The following STARD13 variants were observed in gnomAD, a reference collection of about 807,000 sequenced individuals.
The protein encoded by STARD13 is StAR related lipid transfer domain containing 13, also known as stAR-related lipid transfer protein 13.
In STARD13, 62 loss-of-function variants were observed where a neutral mutation model predicts 106.4. The ratio of observed to expected loss-of-function variants is 0.58; its 90% CI spans 0.48 to 0.72. STARD13 has a LOEUF of 0.72. Among genes scored for constraint, STARD13 ranks in the 30% least tolerant of loss-of-function variants. The pLI, the probability that STARD13 is intolerant of heterozygous loss-of-function variation, is 0.00. For missense variants in STARD13, 1,387 were observed against 1,424.0 expected, an observed-to-expected ratio of 0.97 and a Z score of 0.42; for synonymous variants, 565 against 553.0, an observed-to-expected ratio of 1.02 and a Z score of -0.31.
the STARD13 span, among the ~76,000 whole-genome samples, chr13:33,550,224 G>T: frequency 1.3e-5 from 2 of 152,140 alleles, no homozygotes; most frequent in Non-Finnish European, 2.9e-5. Flanking sequence ...CCAAATGTTT[G>T]TGAAACCAAT....
At chr13:33,635,767 G>A in the STARD13 span, among the ~76,000 whole-genome samples, 1 of 151,614 alleles carries the variant, frequency 6.6e-6, no homozygotes, top group Non-Finnish European at 1.5e-5. Flanking sequence ...CAGATCACTT[G>A]AGGTCAGGAG....
intron 1 of STARD13, among the ~76,000 whole-genome samples, chr13:33,212,546 G>T (rs1441841517): frequency 2.0e-5 from 3 of 152,204 alleles, no homozygotes; most frequent in Non-Finnish European, 4.4e-5. Flanking sequence ...CTGCAGGCAG[G>T]TGTGGGCAGG....
chr13:33,544,772 T>C, the STARD13 span, among the ~76,000 whole-genome samples: 16 of 76,238 alleles, frequency 2.1e-4, no homozygotes, highest in African/African-American at 4.5e-4. Context: ...TTTTTTCTCT[T>C]TTTTTTTTTT....
the STARD13 span, among the ~76,000 whole-genome samples, chr13:33,625,588 AAAAG>A: frequency 1.1e-4 from 16 of 152,050 alleles, no homozygotes; most frequent in Admixed American, 2.6e-4. Flanking sequence ...AATAAAATAA[AAAAG>A]AAGTTGTCAA....
chr13:33,664,822 T>G, the STARD13 span, among the ~76,000 whole-genome samples: 5 of 152,156 alleles, frequency 3.3e-5, no homozygotes, highest in Non-Finnish European at 5.9e-5. Flanking sequence ...GAGACGAGGT[T>G]TCACCACGTT....
chr13:33,623,494 A>T, the STARD13 span, among the ~76,000 whole-genome samples: 1 of 150,716 alleles, frequency 6.6e-6, no homozygotes, highest in Non-Finnish European at 1.5e-5. Context: ...AGAAGAAAAT[A>T]TTTGTTTTCT....
chr13:33,656,609 C>T, the STARD13 span, among the ~76,000 whole-genome samples: 1,394 of 152,230 alleles, frequency 9.2e-3, 24 homozygotes, highest in African/African-American at 0.032. Context: ...CCTAATTTGC[C>T]GGAGAATCTT....
the STARD13 span, among the ~76,000 whole-genome samples, chr13:33,635,664 A>C: frequency 6.6e-6 from 1 of 150,622 alleles, no homozygotes; most frequent in Admixed American, 6.6e-5. Context: ...CTCCATCTCA[A>C]AAACAAAACA....
chr13:33,671,768 T>A, the STARD13 span, among the ~76,000 whole-genome samples: 1 of 152,112 alleles, frequency 6.6e-6, no homozygotes, highest in African/African-American at 2.4e-5. Context: ...ATTAAATAAA[T>A]AAATACAATT....
At chr13:33,336,960 C>G (rs1355380054) in intron 1 of STARD13, among the ~76,000 whole-genome samples, 1 of 151,186 alleles carries the variant, frequency 6.6e-6, no homozygotes, top group Admixed American at 6.6e-5. Flanking sequence ...ATTTTTGCAC[C>G]AACATAATAC....
chr13:33,638,708 G>T, the STARD13 span, among the ~76,000 whole-genome samples: 1 of 152,144 alleles, frequency 6.6e-6, no homozygotes, highest in Non-Finnish European at 1.5e-5. Flanking sequence ...TCTAAAAGGA[G>T]GAAGGCATAA....
intron 1 of STARD13, among the ~76,000 whole-genome samples, chr13:33,230,287 C>A (rs573517216): frequency 1.3e-5 from 2 of 152,270 alleles, no homozygotes; most frequent in African/African-American, 4.8e-5. Flanking sequence ...ACTTCTAAAC[C>A]TAAACAGCCA....
At chr13:33,265,074 G>A (rs1349400677) in intron 1 of STARD13, among the ~76,000 whole-genome samples, 5 of 152,104 alleles carry the variant, frequency 3.3e-5, no homozygotes, top group East Asian at 3.9e-4. Flanking sequence ...CCAGTTCTCC[G>A]AGGTGGCTTC....
At chr13:33,664,464 CT>C in the STARD13 span, among the ~76,000 whole-genome samples, 1 of 152,110 alleles carries the variant, frequency 6.6e-6, no homozygotes, top group Middle Eastern at 3.2e-3. Context: ...GTGAAAACAC[CT>C]TTTAATGCAT....
the STARD13 span, among the ~76,000 whole-genome samples, chr13:33,526,329 A>G: frequency 6.6e-6 from 1 of 152,072 alleles, no homozygotes; most frequent in African/African-American, 2.4e-5. Flanking sequence ...TCTTTCAAGA[A>G]GATATTAGTT....
the STARD13 span, among the ~76,000 whole-genome samples, chr13:33,388,667 C>T: frequency 5.3e-5 from 8 of 152,192 alleles, no homozygotes; most frequent in East Asian, 1.9e-4. Context: ...TTTGTAGACA[C>T]GCCCTATCCT....
At chr13:33,407,850 A>G in the STARD13 span, among the ~76,000 whole-genome samples, 27 of 152,230 alleles carry the variant, frequency 1.8e-4, no homozygotes, top group African/African-American at 6.0e-4. Flanking sequence ...AAAGCCATCA[A>G]AGCTACAGTG....
the STARD13 span, among the ~76,000 whole-genome samples, chr13:33,606,682 G>T: frequency 6.6e-6 from 1 of 152,142 alleles, no homozygotes; most frequent in South Asian, 2.1e-4. Flanking sequence ...TTCTTTTGCT[G>T]CTGTAAAGAA....
intron 8 of STARD13, chr13:33,117,589 G>A: frequency 3.1e-6 from 3 of 976,116 alleles, no homozygotes; most frequent in Non-Finnish European, 3.7e-6. Context: ...GACTTGATTT[G>A]GTTTGCTTAC....
Sources: allele counts gnomAD v4.1 joint callset (sites outside exome capture counted in the v4.1 genomes callset), GRCh38; gene constraint gnomAD v4.1.1; transcripts MANE v1.5; gene names NCBI Gene and HGNC (gene_info 2026-07-23, HGNC 2026-07-21).